The following APAF1 variants were observed in gnomAD, a reference collection of about 807,000 sequenced individuals.
APAF1 encodes the protein apoptotic peptidase activating factor 1, also known as apoptotic protease-activating factor 1.
APAF1 carries 91 observed loss-of-function variants against 152.4 expected under a neutral mutation model. The ratio of observed to expected loss-of-function variants is 0.60; its 90% CI spans 0.50 to 0.71. The LOEUF is 0.71. Ranked by LOEUF, APAF1 falls within the 30% of genes least tolerant of loss-of-function variation. APAF1 has a pLI of 0.00. For synonymous variants in APAF1, 484 were observed against 494.1 expected (o/e 0.98, Z 0.27); for missense variants, 1,283 against 1,472.0 (o/e 0.87, Z 2.10).
At chr12:98,719,515 A>C (rs1272689511) in intron 22 of APAF1, among the ~76,000 whole-genome samples, 1 of 148,806 alleles carries the variant, frequency 6.7e-6, no homozygotes, top group Non-Finnish European at 1.5e-5. Context: ...ATTTCCGGCT[A>C]ATTTTTTTTT....
chr12:98,653,601 G>A (rs1361751731), intron 4 of APAF1, among the ~76,000 whole-genome samples: 1 of 135,096 alleles, frequency 7.4e-6, no homozygotes. Context: ...AGGTTGCAGC[G>A]AGCCAAGATT....
chr12:98,715,908 C>A (rs2097734223), intron 22 of APAF1, among the ~76,000 whole-genome samples: 1 of 152,134 alleles, frequency 6.6e-6, no homozygotes, highest in African/African-American at 2.4e-5. Context: ...GAAATCATTT[C>A]ATTCTTTCCT....
At chr12:98,673,442 C>CAAAAAAAAAAAAA (rs1162049645) in intron 12 of APAF1, among the ~76,000 whole-genome samples, 1 of 89,232 alleles carries the variant, frequency 1.1e-5, no homozygotes. Flanking sequence ...TCTCAAAAAA[C>CAAAAAAAAAAAAA]AAAAAAAAAA....
chr12:98,715,266 ATATATATATATATAT>A (rs1313573989), intron 21 of APAF1, among the ~76,000 whole-genome samples, 146 bp from the exon 22 acceptor site: 5 of 109,054 alleles, frequency 4.6e-5, no homozygotes, highest in Admixed American at 1.9e-4. Flanking sequence ...ATATATATAT[ATATATATATATATAT>A]GACATTCATT....
chr12:98,717,750 G>C (rs773868732), intron 22 of APAF1, among the ~76,000 whole-genome samples: 1 of 151,580 alleles, frequency 6.6e-6, no homozygotes. Context: ...GCTTTTTTCT[G>C]TTTGGTTGTT....
At chr12:98,650,854 A>G (rs1345684521) in intron 4 of APAF1, among the ~76,000 whole-genome samples, 3 of 152,170 alleles carry the variant, frequency 2.0e-5, no homozygotes, top group African/African-American at 7.2e-5. Flanking sequence ...AAGTTCCTTT[A>G]GTGTGAAGGA....
chr12:98,713,653 T>G (rs1458650879), intron 21 of APAF1, among the ~76,000 whole-genome samples: 1 of 152,244 alleles, frequency 6.6e-6, no homozygotes, highest in Non-Finnish European at 1.5e-5. Context: ...CAAAAGCACA[T>G]TTTCTCTAGC....
chr12:98,652,635 A>AT (rs1029267689), intron 4 of APAF1, among the ~76,000 whole-genome samples: 1 of 148,576 alleles, frequency 6.7e-6, no homozygotes, highest in African/African-American at 2.5e-5. Context: ...ATTTTATTTT[A>AT]TTTTTTTTGA....
intron 22 of APAF1, among the ~76,000 whole-genome samples, chr12:98,721,288 A>G (rs977478981): frequency 6.6e-6 from 1 of 152,208 alleles, no homozygotes; most frequent in Non-Finnish European, 1.5e-5. Context: ...TCTTTGTTAT[A>G]TCTGCTCCAG....
intron 22 of APAF1, among the ~76,000 whole-genome samples, chr12:98,720,552 T>C (rs942342724): frequency 2.0e-5 from 3 of 152,232 alleles, no homozygotes; most frequent in Admixed American, 2.0e-4. Flanking sequence ...GCCCTTAGGA[T>C]TGTGAACATT....
intron 17 of APAF1, among the ~76,000 whole-genome samples, chr12:98,700,000 A>T (rs1223178919): frequency 2.0e-5 from 3 of 152,192 alleles, no homozygotes; most frequent in Non-Finnish European, 2.9e-5. Context: ...CTACAATTTT[A>T]TGATTTGATG....
chr12:98,671,097 T>A lies in APAF1; in HGVS notation c.1608+11T>A. 6.7e-7 allele frequency: 1 copy of A among 1,482,656 alleles called. No homozygotes were observed. 91.8% of individuals were successfully genotyped at this position (1,482,656 alleles called of 1,614,324 possible). On this transcript the variant is annotated intron_variant, in intron 11 of 26. Transcript: ENST00000551964. ...ATACTAGATGAAAAGGTATATATATTAACATGAAAAATTAGTGCTAAAAAG... is the reference window on the plus strand; with the variant it reads ...ATACTAGATGAAAAGGTATATATATAAACATGAAAAATTAGTGCTAAAAAG...
intron 3 of APAF1, 126 bp from the exon 4 acceptor site, chr12:98,649,361 A>G (rs1369565877): frequency 3.7e-6 from 5 of 1,349,008 alleles, no homozygotes; most frequent in African/African-American, 2.9e-5. Flanking sequence ...TGCTAGCCAC[A>G]TTTTCTTAAC....
chr12:98,673,494 C>T (rs1243170000), intron 12 of APAF1, among the ~76,000 whole-genome samples: 1 of 150,706 alleles, frequency 6.6e-6, no homozygotes, highest in Admixed American at 6.6e-5. Flanking sequence ...CTTTATTTTG[C>T]ATGCTCTTTC....
chr12:98,677,892 G>A (rs957589165), intron 13 of APAF1, among the ~76,000 whole-genome samples: 1 of 152,118 alleles, frequency 6.6e-6, no homozygotes, highest in African/African-American at 2.4e-5. Flanking sequence ...ACAGTGATTA[G>A]GAAAATACCT....
At chr12:98,649,381 A>C in intron 3 of APAF1, 106 bp from the exon 4 acceptor site, 2 of 1,413,916 alleles carry the variant, frequency 1.4e-6, no homozygotes, top group Non-Finnish European at 1.9e-6. Context: ...CTTCTCTTGG[A>C]AATTTTCAGG....
At chr12:98,678,558 G>A (rs1035813936) in intron 13 of APAF1, among the ~76,000 whole-genome samples, 1 of 152,328 alleles carries the variant, frequency 6.6e-6, no homozygotes, top group South Asian at 2.1e-4. Flanking sequence ...CTGCAGGCTC[G>A]GGCCTCCGGC....
chr12:98,712,614 T>C (rs2097729230), intron 21 of APAF1, 179 bp downstream of exon 21: 1 of 577,642 alleles, frequency 1.7e-6, no homozygotes, highest in Admixed American at 2.9e-5. Context: ...CCTTCTGAGC[T>C]CAAGTGATTT....
chr12:98,689,120 A>T (rs73142311), intron 16 of APAF1, among the ~76,000 whole-genome samples: 12,551 of 152,122 alleles, frequency 0.083, 640 homozygotes, highest in Non-Finnish European at 0.12. Flanking sequence ...CGGCCCTACC[A>T]CTATTTTCAA....
Sources: allele counts gnomAD v4.1 joint callset (sites outside exome capture counted in the v4.1 genomes callset), GRCh38; gene constraint gnomAD v4.1.1; transcripts MANE v1.5; gene names NCBI Gene and HGNC (gene_info 2026-07-23, HGNC 2026-07-21).